Variants in PDE4D observed in about 807,000 individuals in gnomAD.
PDE4D encodes the protein 3',5'-cyclic-AMP phosphodiesterase 4D.
In PDE4D, 24 loss-of-function variants were observed where a neutral mutation model predicts 87.4. The ratio of observed to expected loss-of-function variants is 0.27; its 90% CI spans 0.20 to 0.39. The LOEUF is 0.39. Among genes scored for constraint, PDE4D ranks in the 10% least tolerant of loss-of-function variants. The probability of loss-of-function intolerance (pLI) is 1.00; values close to 1 mark genes in which losing one functional copy is unlikely to be tolerated. For missense variants in PDE4D, 714 were observed against 1,041.0 expected, an observed-to-expected ratio of 0.69 and a Z score of 4.32; for synonymous variants, 384 against 383.2, an observed-to-expected ratio of 1.00 and a Z score of -0.02.
intron 2 of PDE4D, among the ~76,000 whole-genome samples, chr5:60,029,194 A>G (rs1766961022): frequency 6.6e-6 from 1 of 152,146 alleles, no homozygotes; most frequent in Admixed American, 6.5e-5. Flanking sequence ...CACTCAAATC[A>G]TGTACCTTAT....
intron 1 of PDE4D, among the ~76,000 whole-genome samples, chr5:60,367,423 C>T (rs936244015): frequency 2.8e-5 from 4 of 144,788 alleles, no homozygotes; most frequent in African/African-American, 8.1e-5. Flanking sequence ...TGCACTCCAG[C>T]GTGGACAACA....
At chr5:60,461,826 T>G (rs536859135) in intron 1 of PDE4D, among the ~76,000 whole-genome samples, 1 of 152,228 alleles carries the variant, frequency 6.6e-6, no homozygotes, top group Non-Finnish European at 1.5e-5. Context: ...TTACCTTAAA[T>G]ATATGACATT....
chr5:59,329,352 G>A (rs554255570), intron 1 of PDE4D, among the ~76,000 whole-genome samples: 43 of 152,184 alleles, frequency 2.8e-4, no homozygotes, highest in African/African-American at 7.7e-4. Context: ...TCATTTGCTA[G>A]GAAACCCCCA....
At chr5:59,112,165 G>A (rs768856743) in intron 5 of PDE4D, among the ~76,000 whole-genome samples, 1 of 152,134 alleles carries the variant, frequency 6.6e-6, no homozygotes, top group Non-Finnish European at 1.5e-5. Flanking sequence ...TAAGATACCG[G>A]GGGAAAGAGC....
chr5:59,317,388 CA>C (rs1773946450), intron 1 of PDE4D, among the ~76,000 whole-genome samples: 1 of 152,124 alleles, frequency 6.6e-6, no homozygotes, highest in Admixed American at 6.6e-5. Context: ...TTATTAAAAT[CA>C]ACTAACACAT....
At chr5:59,457,154 G>C (rs1463169766) in intron 1 of PDE4D, among the ~76,000 whole-genome samples, 1 of 152,166 alleles carries the variant, frequency 6.6e-6, no homozygotes, top group Non-Finnish European at 1.5e-5. Context: ...AGTCTTTTAT[G>C]AAGAGAAAAG....
chr5:59,715,681 G>A (rs2164660), intron 1 of PDE4D, among the ~76,000 whole-genome samples: 28,523 of 152,226 alleles, frequency 0.19, 3,205 homozygotes, highest in South Asian at 0.26. Context: ...GTGGGGCTAG[G>A]CCATGTGGCA....
At chr5:59,425,386 G>A (rs577595979) in intron 1 of PDE4D, among the ~76,000 whole-genome samples, 1 of 152,224 alleles carries the variant, frequency 6.6e-6, no homozygotes, top group East Asian at 1.9e-4. Flanking sequence ...TTTGTTGTGA[G>A]AGGCTGTCGT....
intron 2 of PDE4D, among the ~76,000 whole-genome samples, chr5:60,130,318 T>C (rs571783421): frequency 2.0e-5 from 3 of 152,282 alleles, no homozygotes; most frequent in East Asian, 1.9e-4. Flanking sequence ...TACCAAATAT[T>C]GGCAAGCTTA....
At chr5:60,191,096 C>G (rs927705118) in intron 1 of PDE4D, among the ~76,000 whole-genome samples, 1 of 152,278 alleles carries the variant, frequency 6.6e-6, no homozygotes, top group Non-Finnish European at 1.5e-5. Context: ...CCAACAAAAG[C>G]CCTTCTTTCT....
intron 1 of PDE4D, among the ~76,000 whole-genome samples, chr5:59,562,576 T>C (rs1820210359): frequency 6.6e-6 from 1 of 152,208 alleles, no homozygotes. Flanking sequence ...TAAAAATCAT[T>C]AGAATAATGC....
rs542242377 is a variant in PDE4D at position 59,609,414 on chromosome 5, T to C, written c.455+283754A>G. On this transcript the variant is annotated intron_variant, in intron 1 of 14. Transcript: ENST00000340635. The stretch of plus-strand genomic sequence containing the variant: ...CACACACACACATATATATATGTAG[T>C]TAATCTGAATATCACTATGATTTGA... 1.2e-4 allele frequency among the ~76,000 whole-genome samples: 7 copies of C among 56,792 alleles called. No homozygotes were observed. The East Asian group carries it at 4.5e-3, about 37-fold the overall frequency. 37.3% of individuals were successfully genotyped at this position (56,792 alleles called of 152,430 possible). A position where few individuals can be genotyped will look rare whatever the true frequency, so the allele number is the denominator to read the frequency against.
At chr5:59,925,526 A>G (rs756000615) in intron 3 of PDE4D, among the ~76,000 whole-genome samples, 5 of 152,182 alleles carry the variant, frequency 3.3e-5, no homozygotes, top group Non-Finnish European at 2.9e-5. Flanking sequence ...ACCAATGCTA[A>G]TATTGAATAT....
chr5:59,354,110 T>C (rs1780962919), intron 1 of PDE4D, among the ~76,000 whole-genome samples: 2 of 152,154 alleles, frequency 1.3e-5, no homozygotes, highest in Admixed American at 6.6e-5. Context: ...TTATTATCCA[T>C]TCAATAGCCA....
At chr5:59,479,695 T>TACATATATGTGTATGAATAC (rs1803918189) in intron 1 of PDE4D, among the ~76,000 whole-genome samples, 1 of 152,136 alleles carries the variant, frequency 6.6e-6, no homozygotes, top group African/African-American at 2.4e-5. Flanking sequence ...CAGTTGAATA[T>TACATATATGTGTATGAATAC]ACATATATGT....
intron 1 of PDE4D, among the ~76,000 whole-genome samples, chr5:60,201,356 T>C (rs926747976): frequency 2.0e-5 from 3 of 152,052 alleles, no homozygotes; most frequent in African/African-American, 7.2e-5. Flanking sequence ...TGAAGAAGCT[T>C]TCTTAGGTTT....
intron 2 of PDE4D, among the ~76,000 whole-genome samples, chr5:60,068,645 G>C (rs903330091): frequency 6.6e-6 from 1 of 151,966 alleles, no homozygotes; most frequent in African/African-American, 2.4e-5. Context: ...TCAGGCTGGA[G>C]TACAGTGGCC....
intron 1 of PDE4D, among the ~76,000 whole-genome samples, chr5:59,865,931 C>T (rs1041738090): frequency 6.6e-6 from 1 of 152,216 alleles, no homozygotes; most frequent in African/African-American, 2.4e-5. Flanking sequence ...CAGGTGATTG[C>T]TGCTAGAACG....
At chr5:60,006,196 A>ATT (rs1284256557) in intron 2 of PDE4D, among the ~76,000 whole-genome samples, 1 of 151,880 alleles carries the variant, frequency 6.6e-6, no homozygotes, top group Admixed American at 6.6e-5. Context: ...TATATCGAGA[A>ATT]TTGTTAAAAC....
Sources: allele counts gnomAD v4.1 joint callset (sites outside exome capture counted in the v4.1 genomes callset), GRCh38; gene constraint gnomAD v4.1.1; transcripts MANE v1.5; gene names NCBI Gene and HGNC (gene_info 2026-07-23, HGNC 2026-07-21).